EXOC6B: variants seen among roughly 807,000 people sequenced by gnomAD.
The protein encoded by EXOC6B is exocyst complex component 6B.
A neutral mutation model predicts 113.5 loss-of-function variants in EXOC6B; 54 were observed. That is an observed-to-expected ratio of 0.48 (90% CI 0.38 to 0.60). The LOEUF (loss-of-function observed/expected upper bound fraction) is 0.60. EXOC6B is among the 20% of genes least tolerant of loss of function. The probability of loss-of-function intolerance (pLI) is 0.00; values close to 1 mark genes in which losing one functional copy is unlikely to be tolerated. For missense variants in EXOC6B, 797 were observed against 977.5 expected, an observed-to-expected ratio of 0.82 and a Z score of 2.46; for synonymous variants, 357 against 339.0, an observed-to-expected ratio of 1.05 and a Z score of -0.58.
chr2:72,465,207 G>C lies in EXOC6B; in HGVS notation c.1933C>G (p.Leu645Val), dbSNP rs2105418700. Reference protein sequence around the residue: ...GNKASDYLVDLIAFLRSTFAV... With the variant: ...GNKASDYLVDVIAFLRSTFAV... ...AAGGTGCTACGAAGAAAGGCAATGAGGTCTACCAGGTAATCACTAGCTTTG... is the reference window on the plus strand; with the variant it reads ...AAGGTGCTACGAAGAAAGGCAATGACGTCTACCAGGTAATCACTAGCTTTG... Residue 645 changes from leucine to valine, a missense_variant, in exon 18 of 22, where the codon CTC becomes GTC. Coordinates refer to ENST00000272427, the MANE Select transcript of EXOC6B (RefSeq NM_015189.3). 1 of 1,612,038 alleles carries C rather than the reference G, an allele frequency of 6.2e-7. No individual in the cohort carries two copies. The highest frequency in any genetic ancestry group is 8.5e-7 in the Non-Finnish European group (1 of 1,179,124).
At chr2:72,546,802 T>C (rs1702933122) in intron 8 of EXOC6B, among the ~76,000 whole-genome samples, 1 of 152,234 alleles carries the variant, frequency 6.6e-6, no homozygotes, top group Admixed American at 6.5e-5. Flanking sequence ...TGAAATATGC[T>C]TTTAGATTTA....
chr2:72,668,131 C>T (rs1304631689), intron 6 of EXOC6B, among the ~76,000 whole-genome samples: 3 of 152,198 alleles, frequency 2.0e-5, no homozygotes, highest in African/African-American at 4.8e-5. Flanking sequence ...CACCACTAAT[C>T]ATTACAGAAA....
intron 6 of EXOC6B, among the ~76,000 whole-genome samples, chr2:72,602,842 A>G (rs1458033949): frequency 6.6e-6 from 1 of 152,194 alleles, no homozygotes; most frequent in African/African-American, 2.4e-5. Context: ...CCCACTCAGT[A>G]TACTTGGATC....
chr2:72,741,581 T>C, intron 1 of EXOC6B, 112 bp from the exon 2 acceptor site: 1 of 897,766 alleles, frequency 1.1e-6, no homozygotes, highest in Non-Finnish European at 1.7e-6. Flanking sequence ...ATAATCCAAC[T>C]GTATATTAAC....
chr2:72,606,630 T>TC (rs1424568946), intron 6 of EXOC6B, among the ~76,000 whole-genome samples: 2 of 151,196 alleles, frequency 1.3e-5, no homozygotes, highest in African/African-American at 4.9e-5. Context: ...TCACTTTCTT[T>TC]CTTTCTTTTT....
intron 20 of EXOC6B, among the ~76,000 whole-genome samples, chr2:72,323,813 C>G (rs1159536099): frequency 7.0e-6 from 1 of 143,804 alleles, no homozygotes; most frequent in Admixed American, 7.0e-5. Context: ...GGGAGGGGAA[C>G]ATCACACACC....
At chr2:72,452,245 T>C (rs1696962641) in intron 18 of EXOC6B, among the ~76,000 whole-genome samples, 1 of 152,196 alleles carries the variant, frequency 6.6e-6, no homozygotes, top group Non-Finnish European at 1.5e-5. Context: ...AATAGTCATC[T>C]GAGTTGGAGG....
chr2:72,248,748 C>CA (rs1225365811), intron 20 of EXOC6B, among the ~76,000 whole-genome samples: 1 of 151,560 alleles, frequency 6.6e-6, no homozygotes, highest in Non-Finnish European at 1.5e-5. Context: ...TGCCTACTAC[C>CA]AAAAAAAGAC....
chr2:72,703,050 T>A (rs1318648820), intron 6 of EXOC6B, among the ~76,000 whole-genome samples: 2 of 147,214 alleles, frequency 1.4e-5, no homozygotes, highest in Non-Finnish European at 3.0e-5. Flanking sequence ...GTTTTTATGG[T>A]TTTAGGTCTA....
At position 72,465,302 on chromosome 2, in the gene EXOC6B, T is replaced by C. The variant is rs758239696; in HGVS notation, c.1838A>G (p.Asn613Ser). ...GAACTGGTCAATCTTCTGGTTTAAG[T>C]TGGTATAAATCTCTTCTTCAGCTGC... is the stretch of plus-strand genomic sequence containing the variant. ...RHAAEEEIYT[N>S]LNQKIDQFLQ... The change falls in exon 18 of 22, where the codon AAC becomes AGC. Residue 613 changes from asparagine (N) to serine (S), a missense_variant. Physicochemically the swap from Asn to Ser is conservative, Grantham distance 46. Coordinates refer to ENST00000272427, the MANE Select transcript of EXOC6B (RefSeq NM_015189.3). 6.2e-7 allele frequency: 1 copy of C among 1,605,604 alleles called. No individual in the cohort carries two copies.
At chr2:72,523,951 A>G (rs962032566) in intron 8 of EXOC6B, among the ~76,000 whole-genome samples, 1 of 151,968 alleles carries the variant, frequency 6.6e-6, no homozygotes, top group African/African-American at 2.4e-5. Flanking sequence ...TTGAGAAGCA[A>G]CTAAGGACAA....
chr2:72,392,057 C>A (rs1692417344), intron 18 of EXOC6B, among the ~76,000 whole-genome samples: 1 of 152,116 alleles, frequency 6.6e-6, no homozygotes, highest in South Asian at 2.1e-4. Context: ...ATATTTCATT[C>A]TTTTTTTAAA....
At chr2:72,633,660 TA>T (rs1484378384) in intron 6 of EXOC6B, among the ~76,000 whole-genome samples, 1 of 152,176 alleles carries the variant, frequency 6.6e-6, no homozygotes, top group East Asian at 1.9e-4. Context: ...CATAGGCACA[TA>T]TGTAAATACA....
intron 6 of EXOC6B, among the ~76,000 whole-genome samples, chr2:72,692,333 C>T (rs981868181): frequency 1.9e-4 from 29 of 151,496 alleles, no homozygotes; most frequent in African/African-American, 6.8e-4. Context: ...TAGAATTTTC[C>T]TCTTCCTTTT....
intron 20 of EXOC6B, among the ~76,000 whole-genome samples, chr2:72,260,168 A>T (rs1381065934): frequency 2.6e-5 from 4 of 152,190 alleles, no homozygotes; most frequent in Non-Finnish European, 5.9e-5. Context: ...AGGTTTATAT[A>T]TGATAATAAG....
chr2:72,741,999 C>T (rs1295083549), intron 1 of EXOC6B, among the ~76,000 whole-genome samples: 1 of 152,160 alleles, frequency 6.6e-6, no homozygotes, highest in Admixed American at 6.5e-5. Flanking sequence ...GGGAACCTTA[C>T]CTTGTCCTCT....
At chr2:72,821,826 T>TA (rs1440865101) in intron 1 of EXOC6B, among the ~76,000 whole-genome samples, 1 of 152,124 alleles carries the variant, frequency 6.6e-6, no homozygotes, top group Non-Finnish European at 1.5e-5. Flanking sequence ...CACTAATGGG[T>TA]ACAAGGTTTC....
chr2:72,794,996 A>G (rs1307367345), intron 1 of EXOC6B, among the ~76,000 whole-genome samples: 1 of 152,232 alleles, frequency 6.6e-6, no homozygotes, highest in East Asian at 1.9e-4. Context: ...TAGAAATAAC[A>G]ATTAGTACAG....
At chr2:72,639,705 C>T (rs1345185037) in intron 6 of EXOC6B, among the ~76,000 whole-genome samples, 2 of 152,286 alleles carry the variant, frequency 1.3e-5, no homozygotes, top group East Asian at 3.9e-4. Context: ...AGTTAGAGCC[C>T]AATACAAGTC....
Sources: gnomAD v4.1 joint callset for allele counts (sites outside exome capture counted in the v4.1 genomes callset) on GRCh38, gnomAD v4.1.1 for gene constraint, MANE v1.5 for transcripts, NCBI Gene and HGNC (gene_info 2026-07-23, HGNC 2026-07-21) for gene names.